The following CELF4 variants were observed in gnomAD, a reference collection of about 807,000 sequenced individuals.
CELF4 encodes CUGBP Elav-like family member 4.
In CELF4, 18 loss-of-function variants were observed where a neutral mutation model predicts 59.9. That is an observed-to-expected ratio of 0.30 (90% CI 0.21 to 0.45). CELF4 has a LOEUF of 0.45. CELF4 is among the 20% of genes least tolerant of loss of function. The probability of loss-of-function intolerance (pLI) is 1.00; values close to 1 mark genes in which losing one functional copy is unlikely to be tolerated. For synonymous variants in CELF4, 261 were observed against 267.1 expected, an observed-to-expected ratio of 0.98 and a Z score of 0.22; for missense variants, 456 against 689.0, an observed-to-expected ratio of 0.66 and a Z score of 3.79.
chr18:37,377,796 T>A (rs1032870420), intron 2 of CELF4, among the ~76,000 whole-genome samples: 27 of 152,018 alleles, frequency 1.8e-4, no homozygotes, highest in African/African-American at 6.5e-4. Context: ...GAAGGATGCA[T>A]TCGTTCTGGG....
At chr18:37,503,601 T>TGCGTGGAGGA (rs1183571744) in intron 1 of CELF4, among the ~76,000 whole-genome samples, 1 of 152,216 alleles carries the variant, frequency 6.6e-6, no homozygotes, top group African/African-American at 2.4e-5. Context: ...CTGAGACTCA[T>TGCGTGGAGGA]GCGTGGAGGA....
chr18:37,564,885 T>A (rs1364136216), intron 1 of CELF4, among the ~76,000 whole-genome samples: 1 of 152,120 alleles, frequency 6.6e-6, no homozygotes, highest in African/African-American at 2.4e-5. Context: ...GCTGCGCTCC[T>A]GCTACTCTAG....
At chr18:37,321,736 C>T in intron 3 of CELF4, 67 bp downstream of exon 3, 2 of 1,187,036 alleles carry the variant, frequency 1.7e-6, no homozygotes, top group South Asian at 1.4e-5. Flanking sequence ...CATCGCCTTG[C>T]TGCGTCGGGA....
intron 2 of CELF4, among the ~76,000 whole-genome samples, chr18:37,482,880 T>C (rs2099872073): frequency 6.6e-6 from 1 of 152,226 alleles, no homozygotes; most frequent in African/African-American, 2.4e-5. Context: ...AGTGGAGGGC[T>C]GATTTTAATG....
At chr18:37,443,118 G>A (rs544147728) in intron 2 of CELF4, among the ~76,000 whole-genome samples, 58 of 152,294 alleles carry the variant, frequency 3.8e-4, no homozygotes, top group Non-Finnish European at 5.6e-4. Context: ...TGACGGGAGT[G>A]GGGATGGGAT....
At chr18:37,369,106 A>G (rs1270065224) in intron 2 of CELF4, among the ~76,000 whole-genome samples, 2 of 151,692 alleles carry the variant, frequency 1.3e-5, no homozygotes, top group East Asian at 1.9e-4. Flanking sequence ...GGAGATGGAA[A>G]CCTCCTGCCC....
At chr18:37,460,179 C>T (rs1162430864) in intron 2 of CELF4, among the ~76,000 whole-genome samples, 1 of 152,138 alleles carries the variant, frequency 6.6e-6, no homozygotes, top group Admixed American at 6.5e-5. Flanking sequence ...GTGTAGAGAT[C>T]TTAACCCTAA....
At chr18:37,337,794 C>G (rs1236704144) in intron 2 of CELF4, among the ~76,000 whole-genome samples, 1 of 152,242 alleles carries the variant, frequency 6.6e-6, no homozygotes, top group Non-Finnish European at 1.5e-5. Context: ...CTACTTCCAC[C>G]TCTATGCTCT....
At chr18:37,358,576 C>G (rs1385857273) in intron 2 of CELF4, among the ~76,000 whole-genome samples, 3 of 152,194 alleles carry the variant, frequency 2.0e-5, no homozygotes, top group African/African-American at 7.2e-5. Context: ...AGGCAGGTAC[C>G]CCCAAGACAA....
intron 2 of CELF4, among the ~76,000 whole-genome samples, chr18:37,471,330 G>A (rs961329005): frequency 6.6e-6 from 1 of 152,138 alleles, no homozygotes; most frequent in Non-Finnish European, 1.5e-5. Context: ...TATGTACCAT[G>A]TGGAGGTGGA....
intron 1 of CELF4, among the ~76,000 whole-genome samples, chr18:37,563,978 CG>C (rs1272500680): frequency 6.6e-6 from 1 of 152,188 alleles, no homozygotes; most frequent in African/African-American, 2.4e-5. Flanking sequence ...GACAGCTCTG[CG>C]CTCTGCACCT....
At chr18:37,348,568 G>T (rs543329727) in intron 2 of CELF4, among the ~76,000 whole-genome samples, 1 of 152,120 alleles carries the variant, frequency 6.6e-6, no homozygotes, top group African/African-American at 2.4e-5. Context: ...GGAGAGCAAG[G>T]GACAGGACCA....
intron 2 of CELF4, among the ~76,000 whole-genome samples, chr18:37,409,879 C>T (rs1176590454): frequency 2.6e-5 from 4 of 152,212 alleles, no homozygotes; most frequent in Non-Finnish European, 5.9e-5. Flanking sequence ...CCCTGGGGCA[C>T]TGCAGACAGA....
rs773439825 is a variant in CELF4, at chr18:37,270,759, T to C, written c.1099+9A>G. The C allele has an allele frequency of 6.2e-7, 1 of 1,613,816 alleles. No homozygotes were observed. The highest frequency in any genetic ancestry group is 8.5e-7 in the Non-Finnish European group (1 of 1,179,906). On this transcript the variant is annotated intron_variant, in intron 8 of 12. Coordinates refer to ENST00000420428, the MANE Select transcript of CELF4 (RefSeq NM_020180.4). Reference sequence around the variant, plus strand: ...GCATACGGAAATAAGTGCTGACAGATGTGCTTACCTGGGTAGGGGTGGATG... The same window carrying C: ...GCATACGGAAATAAGTGCTGACAGACGTGCTTACCTGGGTAGGGGTGGATG...
intron 12 of CELF4, among the ~76,000 whole-genome samples, chr18:37,252,332 A>C (rs1302613265): frequency 6.6e-6 from 1 of 152,046 alleles, no homozygotes; most frequent in Non-Finnish European, 1.5e-5. Flanking sequence ...GTGACACTGG[A>C]CTGAGTGGTC....
rs137907030 is a variant in CELF4 at position 37,396,819 on chromosome 18, G to A, written c.370-74938C>T. ...AGTGACCGCACAGCCAAGCCACCAC[G>A]TGTGTTCCTCCCAGACAGCCCTCCT... is the stretch of plus-strand genomic sequence containing the variant. On this transcript the variant is annotated intron_variant, in intron 2 of 12. Transcript: ENST00000420428. Among the ~76,000 whole-genome samples, 30 of 152,270 alleles carry A rather than the reference G, an allele frequency of 2.0e-4. No individual in the cohort carries two copies. The South Asian group carries it at 6.0e-3, about 31-fold the overall frequency.
intron 3 of CELF4, among the ~76,000 whole-genome samples, chr18:37,284,912 G>C (rs901673475): frequency 4.6e-5 from 7 of 152,198 alleles, no homozygotes; most frequent in African/African-American, 1.7e-4. Context: ...AGCCCCAGGT[G>C]GTCTGGACCG....
chr18:37,468,377 T>C (rs573710115), intron 2 of CELF4, among the ~76,000 whole-genome samples: 4 of 152,144 alleles, frequency 2.6e-5, no homozygotes, highest in South Asian at 4.2e-4. Flanking sequence ...AGAAGAAGGT[T>C]GGGGCAGCTA....
At chr18:37,509,704 T>G (rs1454673644) in intron 1 of CELF4, among the ~76,000 whole-genome samples, 3 of 152,266 alleles carry the variant, frequency 2.0e-5, no homozygotes, top group Non-Finnish European at 4.4e-5. Context: ...AACATATACT[T>G]GTACATGCAT....
Sources: allele counts gnomAD v4.1 joint callset (sites outside exome capture counted in the v4.1 genomes callset), GRCh38; gene constraint gnomAD v4.1.1; transcripts MANE v1.5; gene names NCBI Gene and HGNC (gene_info 2026-07-23, HGNC 2026-07-21).